Variants in EDN1 observed in about 807,000 individuals in gnomAD.
EDN1 encodes the protein endothelin-1.
In EDN1, 11 loss-of-function variants were observed where a neutral mutation model predicts 21.7. The observed-to-expected ratio is 0.51, with a 90% CI of 0.32 to 0.84. EDN1 has a LOEUF of 0.84. Among genes scored for constraint, EDN1 ranks in the 40% least tolerant of loss-of-function variants. The probability of loss-of-function intolerance (pLI) is 0.03; values close to 1 mark genes in which losing one functional copy is unlikely to be tolerated. For missense variants in EDN1, 244 were observed against 262.3 expected, an observed-to-expected ratio of 0.93 and a Z score of 0.48; for synonymous variants, 85 against 90.6, an observed-to-expected ratio of 0.94 and a Z score of 0.35.
the EDN1 span, among the ~76,000 whole-genome samples, chr6:12,260,858 T>G: frequency 6.6e-6 from 1 of 152,206 alleles, no homozygotes; most frequent in African/African-American, 2.4e-5. Context: ...CTTGGCTACT[T>G]GCTCTGCAAA....
the EDN1 span, among the ~76,000 whole-genome samples, chr6:12,238,846 A>G: frequency 6.6e-6 from 1 of 152,222 alleles, no homozygotes; most frequent in Non-Finnish European, 1.5e-5. Flanking sequence ...GTGAAGATGA[A>G]TTAGAAATTA....
rs754197345 is a variant in EDN1 at position 12,290,743 on chromosome 6, T to C, written c.64+50T>C. ...GTCTCGGAATTACAAGTTAGTGTGT[T>C]CTTATCCACCTTCATGCTTTTCTTG... On this transcript the variant is annotated intron_variant, in intron 1 of 4. Transcript: ENST00000379375. The C allele has an allele frequency of 2.0e-6, 3 of 1,485,412 alleles. No individual in the cohort carries two copies. In the South Asian group the frequency reaches 3.4e-5, roughly 17 times the overall value. The allele number at this position is 1,485,412 out of a possible 1,614,324, so 92.0% of individuals were successfully genotyped here.
At chr6:12,289,203 A>C (rs907542970), upstream of EDN1, among the ~76,000 whole-genome samples, 1 of 152,212 alleles carries the variant, frequency 6.6e-6, no homozygotes, top group African/African-American at 2.4e-5. Flanking sequence ...TTAAATGTGA[A>C]GTATTATCTG....
At chr6:12,282,577 CTCTTCCTCCTCCTCCT>C in the EDN1 span, among the ~76,000 whole-genome samples, 1 of 152,164 alleles carries the variant, frequency 6.6e-6, no homozygotes, top group Non-Finnish European at 1.5e-5. Flanking sequence ...ATCCTTTCTC[CTCTTCCTCCTCCTCCT>C]TCTTCCTCTC....
At chr6:12,251,657 CT>C in the EDN1 span, among the ~76,000 whole-genome samples, 1 of 152,192 alleles carries the variant, frequency 6.6e-6, no homozygotes, top group Non-Finnish European at 1.5e-5. Context: ...GACAACAAAA[CT>C]GGCTGAAATC....
chr6:12,260,328 G>A, the EDN1 span, among the ~76,000 whole-genome samples: 2 of 152,166 alleles, frequency 1.3e-5, no homozygotes, highest in Non-Finnish European at 2.9e-5. Context: ...TCAAAAGTAA[G>A]GAGCTCATGG....
chr6:12,278,472 G>A, the EDN1 span, among the ~76,000 whole-genome samples: 1 of 152,106 alleles, frequency 6.6e-6, no homozygotes, highest in Non-Finnish European at 1.5e-5. Context: ...GTCCTTGAGG[G>A]TCTTTAACCT....
the EDN1 span, among the ~76,000 whole-genome samples, chr6:12,238,670 T>C: frequency 6.6e-6 from 1 of 152,168 alleles, no homozygotes; most frequent in Non-Finnish European, 1.5e-5. Flanking sequence ...GGAAGAGAGA[T>C]GGAGAATTCT....
Position 12,290,617 on chromosome 6 carries a change from C to A in EDN1, c.-13C>A, listed in dbSNP as rs1762651060. 1 of 1,613,778 alleles carries A rather than the reference C, an allele frequency of 6.2e-7. No homozygotes were observed. The highest frequency in any genetic ancestry group is 8.5e-7 in the Non-Finnish European group (1 of 1,179,696). On this transcript the variant is annotated 5_prime_UTR_variant, in exon 1 of 5. Transcript: ENST00000379375. ...CAGTTTGAACGGGAGGTTTTTGATC[C>A]CTTTTTTTCAGAATGGATTATTTGC... is the stretch of plus-strand genomic sequence containing the variant.
At chr6:12,288,245 A>C (rs1380741565), upstream of EDN1, among the ~76,000 whole-genome samples, 1 of 151,926 alleles carries the variant, frequency 6.6e-6, no homozygotes, top group African/African-American at 2.4e-5. Context: ...AAGGTTAAAA[A>C]AAAAAAAGTA....
rs1267292631 is a variant in EDN1 at position 12,290,514 on chromosome 6, AAG to A, written c.-115_-114del. The A allele has an allele frequency of 4.0e-5, 34 of 851,612 alleles. No individual in the cohort carries two copies. In the African/African-American group the frequency reaches 5.5e-4, roughly 14 times the overall value. 52.8% of individuals were successfully genotyped at this position (851,612 alleles called of 1,614,324 possible). A position where few individuals can be genotyped will look rare whatever the true frequency, so the allele number is the denominator to read the frequency against. ...CCCCGTTAAAAGGGCACTTGGGCTG[AAG>A]GATCGCTTTGAGATCTGAGGAACCC... On this transcript the variant is annotated 5_prime_UTR_variant, in exon 1 of 5. Transcript: ENST00000379375.
the EDN1 span, among the ~76,000 whole-genome samples, chr6:12,232,222 T>C: frequency 6.8e-6 from 1 of 147,664 alleles, no homozygotes; most frequent in Non-Finnish European, 1.5e-5. Flanking sequence ...AAGTATATGT[T>C]ATAATTTTAT....
chr6:12,235,295 G>A, the EDN1 span, among the ~76,000 whole-genome samples: 1 of 152,162 alleles, frequency 6.6e-6, no homozygotes, highest in Non-Finnish European at 1.5e-5. Context: ...TCCTGCTCAG[G>A]CTTCCTTCCT....
chr6:12,270,458 G>T, the EDN1 span, among the ~76,000 whole-genome samples: 1 of 151,824 alleles, frequency 6.6e-6, no homozygotes, highest in Non-Finnish European at 1.5e-5. Flanking sequence ...GTATCCCATA[G>T]GTTTTGGTAT....
the EDN1 span, among the ~76,000 whole-genome samples, chr6:12,246,033 C>A: frequency 2.3e-5 from 3 of 129,202 alleles, no homozygotes; most frequent in Non-Finnish European, 5.2e-5. Flanking sequence ...CAGAGAAGAT[C>A]CTTAAAGAAA....
At chr6:12,283,443 A>G in the EDN1 span, among the ~76,000 whole-genome samples, 1 of 152,300 alleles carries the variant, frequency 6.6e-6, no homozygotes, top group African/African-American at 2.4e-5. Flanking sequence ...ATCCAAGTCC[A>G]AAAGGAGATT....
chr6:12,235,127 C>G, the EDN1 span, among the ~76,000 whole-genome samples: 3 of 152,116 alleles, frequency 2.0e-5, no homozygotes, highest in Admixed American at 6.6e-5. Flanking sequence ...CATAAGTGTT[C>G]TTGGGTAAGT....
the EDN1 span, among the ~76,000 whole-genome samples, chr6:12,245,552 G>C: frequency 6.6e-6 from 1 of 152,094 alleles, no homozygotes; most frequent in Non-Finnish European, 1.5e-5. Flanking sequence ...TCTGCTGATG[G>C]GTGGAAGTTC....
At chr6:12,273,580 G>T in the EDN1 span, among the ~76,000 whole-genome samples, 1 of 143,012 alleles carries the variant, frequency 7.0e-6, no homozygotes. Context: ...ACTGATGAGA[G>T]ATGCACTAGA....
Sources: allele counts gnomAD v4.1 joint callset (sites outside exome capture counted in the v4.1 genomes callset), GRCh38; gene constraint gnomAD v4.1.1; transcripts MANE v1.5; gene names NCBI Gene and HGNC (gene_info 2026-07-23, HGNC 2026-07-21).